The following CGGBP1 variants were observed in gnomAD, a reference collection of about 807,000 sequenced individuals.
CGGBP1 encodes CGG triplet repeat-binding protein 1.
In CGGBP1, 4 loss-of-function variants were observed where a neutral mutation model predicts 11.4. That is an observed-to-expected ratio of 0.35 (90% CI 0.17 to 0.80). The LOEUF (loss-of-function observed/expected upper bound fraction) is 0.80. Among genes scored for constraint, CGGBP1 ranks in the 30% least tolerant of loss-of-function variants. The pLI, the probability that CGGBP1 is intolerant of heterozygous loss-of-function variation, is 0.52. For synonymous variants in CGGBP1, 76 were observed against 74.1 expected, an observed-to-expected ratio of 1.03 and a Z score of -0.13; for missense variants, 135 against 202.1, an observed-to-expected ratio of 0.67 and a Z score of 2.01.
At chr3:88,136,023 C>T (rs1468708359) in intron 2 of CGGBP1, among the ~76,000 whole-genome samples, 6 of 151,984 alleles carry the variant, frequency 3.9e-5, no homozygotes, top group East Asian at 3.9e-4. Context: ...ATGATAATTT[C>T]GCTAACTGCA....
intron 2 of CGGBP1, among the ~76,000 whole-genome samples, chr3:88,075,203 G>C (rs1707732873): frequency 6.6e-6 from 1 of 152,132 alleles, no homozygotes; most frequent in African/African-American, 2.4e-5. Context: ...GGAATCTGTT[G>C]AGTGGCACCA....
intron 2 of CGGBP1, among the ~76,000 whole-genome samples, chr3:88,112,532 AC>A (rs11293889): frequency 0.78 from 118,822 of 151,740 alleles, 47,441 homozygotes; most frequent in South Asian, 0.91. Context: ...AGGAGGAACT[AC>A]AGAATTTGAG....
At chr3:88,110,335 T>G (rs1476046893) in intron 2 of CGGBP1, among the ~76,000 whole-genome samples, 1 of 152,052 alleles carries the variant, frequency 6.6e-6, no homozygotes, top group Non-Finnish European at 1.5e-5. Context: ...CTATAATAGG[T>G]CTGTGTTGTC....
chr3:88,113,490 T>G (rs1354115617), intron 2 of CGGBP1, among the ~76,000 whole-genome samples: 6 of 152,204 alleles, frequency 3.9e-5, no homozygotes, highest in African/African-American at 4.8e-5. Flanking sequence ...GATTCTTCTT[T>G]GCCAGACTTG....
At chr3:88,104,359 A>C (rs1025449609) in intron 2 of CGGBP1, among the ~76,000 whole-genome samples, 1 of 152,228 alleles carries the variant, frequency 6.6e-6, no homozygotes. Context: ...TAGATATTTT[A>C]GACTCATGGA....
intron 2 of CGGBP1, among the ~76,000 whole-genome samples, chr3:88,115,483 A>G (rs1052455310): frequency 2.0e-5 from 3 of 152,174 alleles, no homozygotes; most frequent in Non-Finnish European, 4.4e-5. Context: ...CACTGTTTTT[A>G]AGGTAGGCAG....
At chr3:88,085,924 C>T (rs1337922644) in intron 2 of CGGBP1, among the ~76,000 whole-genome samples, 2 of 152,072 alleles carry the variant, frequency 1.3e-5, no homozygotes, top group Non-Finnish European at 2.9e-5. Flanking sequence ...CTATATTCTA[C>T]TCTCCAGCTA....
chr3:88,097,612 C>T (rs752853112), intron 2 of CGGBP1, among the ~76,000 whole-genome samples: 4 of 152,062 alleles, frequency 2.6e-5, no homozygotes, highest in Admixed American at 6.6e-5. Flanking sequence ...TGTAAAAGAA[C>T]AGAAATCACA....
chr3:88,132,130 T>C (rs1706501970), intron 2 of CGGBP1, among the ~76,000 whole-genome samples: 1 of 152,152 alleles, frequency 6.6e-6, no homozygotes, highest in Non-Finnish European at 1.5e-5. Flanking sequence ...CCATTCAATA[T>C]TGTGTTCAAG....
intron 2 of CGGBP1, among the ~76,000 whole-genome samples, chr3:88,097,810 A>G (rs1447608782): frequency 6.6e-6 from 1 of 152,206 alleles, no homozygotes; most frequent in African/African-American, 2.4e-5. Context: ...ACATAACAGA[A>G]TATCTGCGAC....
At chr3:88,129,711 A>C in intron 2 of CGGBP1, 1 of 1,506,834 alleles carries the variant, frequency 6.6e-7, no homozygotes, top group Non-Finnish European at 8.9e-7. Context: ...TGATTGTAAG[A>C]GTGGAATTGA....
intron 2 of CGGBP1, chr3:88,139,712 T>A: frequency 6.4e-7 from 1 of 1,567,972 alleles, no homozygotes; most frequent in Non-Finnish European, 8.7e-7. Flanking sequence ...AAAATGGCAG[T>A]CCTAATAATT....
At chr3:88,113,823 TCTTA>T (rs1281780883) in intron 2 of CGGBP1, among the ~76,000 whole-genome samples, 1 of 9,168 alleles carries the variant, frequency 1.1e-4, no homozygotes, top group Admixed American at 2.1e-3. Flanking sequence ...AGACAACATA[TCTTA>T]TATTTGTTAA....
intron 2 of CGGBP1, among the ~76,000 whole-genome samples, chr3:88,085,180 C>G (rs9845776): frequency 0.78 from 119,158 of 152,080 alleles, 47,600 homozygotes; most frequent in South Asian, 0.91. Context: ...CTTGGCTTTT[C>G]TATTCTAGTT....
intron 2 of CGGBP1, among the ~76,000 whole-genome samples, chr3:88,102,156 T>A (rs1704464148): frequency 6.6e-6 from 1 of 152,128 alleles, no homozygotes; most frequent in African/African-American, 2.4e-5. Flanking sequence ...GAAATTTGGT[T>A]GTAATGTGTT....
At chr3:88,126,400 A>G (rs943651837) in intron 2 of CGGBP1, 9 of 1,045,994 alleles carry the variant, frequency 8.6e-6, no homozygotes, top group Non-Finnish European at 1.1e-5. Flanking sequence ...GTATTTTCAC[A>G]TGAAAAGTGT....
At chr3:88,069,128 A>C (rs1004272663) in intron 2 of CGGBP1, among the ~76,000 whole-genome samples, 7 of 92,574 alleles carry the variant, frequency 7.6e-5, no homozygotes, top group Non-Finnish European at 1.7e-4. Context: ...TCCCCATCAG[A>C]AGTGATTCTC....
At chr3:88,068,001 A>G (rs1707298373) in intron 2 of CGGBP1, among the ~76,000 whole-genome samples, 1 of 151,978 alleles carries the variant, frequency 6.6e-6, no homozygotes, top group African/African-American at 2.4e-5. Flanking sequence ...ATATTATAAG[A>G]CCCCTGAAGG....
intron 2 of CGGBP1, among the ~76,000 whole-genome samples, chr3:88,125,605 A>C (rs552898763): frequency 1.3e-5 from 2 of 152,260 alleles, no homozygotes; most frequent in East Asian, 1.9e-4. Context: ...ATTATCCAAC[A>C]AAGGGAAACA....
Sources: gnomAD v4.1 joint callset for allele counts (sites outside exome capture counted in the v4.1 genomes callset) on GRCh38, gnomAD v4.1.1 for gene constraint, MANE v1.5 for transcripts, NCBI Gene and HGNC (gene_info 2026-07-23, HGNC 2026-07-21) for gene names.